Variants in SRGAP2B observed in about 807,000 individuals in gnomAD.
SRGAP2B encodes the protein SLIT-ROBO Rho GTPase activating protein 2B.
Under a neutral mutation model 22.2 loss-of-function variants are expected in SRGAP2B, and 9 were observed. The observed-to-expected ratio is 0.41, with a 90% CI of 0.24 to 0.71. The LOEUF is 0.71. Among genes scored for constraint, SRGAP2B ranks in the 30% least tolerant of loss-of-function variants. The probability of loss-of-function intolerance (pLI) is 0.35; values close to 1 mark genes in which losing one functional copy is unlikely to be tolerated. For synonymous variants in SRGAP2B, 36 were observed against 87.4 expected, an observed-to-expected ratio of 0.41 and a Z score of 3.28; for missense variants, 114 against 235.8, an observed-to-expected ratio of 0.48 and a Z score of 3.38.
At chr1:145,006,161 A>C (rs1286697000) in intron 2 of SRGAP2B, among the ~76,000 whole-genome samples, 10 of 150,918 alleles carry the variant, frequency 6.6e-5, no homozygotes, top group Non-Finnish European at 1.2e-4. Flanking sequence ...ACTTGGAGTG[A>C]CCTATTCAAT....
chr1:144,976,098 T>G (rs587663020), intron 3 of SRGAP2B, among the ~76,000 whole-genome samples: 11 of 148,180 alleles, frequency 7.4e-5, no homozygotes, highest in African/African-American at 2.6e-4. Context: ...GCCAGGATGG[T>G]CTTGATCTCC....
In SRGAP2B at chr1:145,093,928, G is replaced by C. The variant is rs1229394393; in HGVS notation, c.-542-485C>G. Among the ~76,000 whole-genome samples, 15 of 148,962 alleles carry C rather than the reference G, an allele frequency of 1.0e-4. 1 individual carries two copies. Among genetic ancestry groups the C allele is most frequent in the Non-Finnish European group, 2.2e-4 (15 of 67,630 alleles). On this transcript the variant is annotated intron_variant, in intron 1 of 9. Transcript: ENST00000612199. ...CCAGTTGTTTTGTTTTTGGTTACTA[G>C]CTTCTCTTGGCAGCAAAATGTTGAT...
At chr1:145,000,742 TG>T (rs1671084729) in intron 2 of SRGAP2B, among the ~76,000 whole-genome samples, 1 of 129,676 alleles carries the variant, frequency 7.7e-6, no homozygotes. Context: ...AAGGAGAAAA[TG>T]GGGGAGGAAG....
intron 2 of SRGAP2B, among the ~76,000 whole-genome samples, chr1:145,015,613 A>C (rs1553622976): frequency 1.3e-5 from 2 of 150,368 alleles, no homozygotes; most frequent in Non-Finnish European, 2.9e-5. Context: ...AGAGGCTCGC[A>C]GAGGAGCTAG....
At chr1:144,999,784 G>A (rs1266070352) in intron 2 of SRGAP2B, among the ~76,000 whole-genome samples, 1 of 140,426 alleles carries the variant, frequency 7.1e-6, no homozygotes, top group East Asian at 2.1e-4. Context: ...AAAGGTTCCT[G>A]AGAATCAGAG....
intron 4 of SRGAP2B, among the ~76,000 whole-genome samples, chr1:144,929,686 T>G (rs587631367): frequency 6.6e-6 from 1 of 151,260 alleles, no homozygotes; most frequent in Non-Finnish European, 1.5e-5. Context: ...TGATGAGAGA[T>G]ATATTAGGTC....
chr1:144,954,015 T>C (rs1381567990), intron 4 of SRGAP2B, among the ~76,000 whole-genome samples: 19 of 135,322 alleles, frequency 1.4e-4, no homozygotes, highest in African/African-American at 5.5e-4. Flanking sequence ...TAATTCAAAT[T>C]AATGACAACC....
At chr1:145,058,201 A>G (rs1207270232) in intron 2 of SRGAP2B, among the ~76,000 whole-genome samples, 1 of 149,164 alleles carries the variant, frequency 6.7e-6, no homozygotes, top group Non-Finnish European at 1.5e-5. Flanking sequence ...TTCTGAAAAG[A>G]GGACAATAAT....
At chr1:144,953,023 AG>A (rs1424482023) in intron 4 of SRGAP2B, among the ~76,000 whole-genome samples, 1 of 145,696 alleles carries the variant, frequency 6.9e-6, no homozygotes. Context: ...GGGAGAAAAG[AG>A]ATTATTCACC....
At chr1:144,940,515 C>T (rs1389027282) in intron 4 of SRGAP2B, among the ~76,000 whole-genome samples, 5 of 147,916 alleles carry the variant, frequency 3.4e-5, no homozygotes, top group Non-Finnish European at 7.4e-5. Context: ...AAGACAACAG[C>T]CAGCTGGTCG....
At chr1:144,913,093 A>T (rs1401667444) in intron 5 of SRGAP2B, among the ~76,000 whole-genome samples, 35 of 145,230 alleles carry the variant, frequency 2.4e-4, no homozygotes, top group Admixed American at 2.2e-3. Flanking sequence ...CCTTTCACTT[A>T]TTTTTTTTTT....
intron 2 of SRGAP2B, among the ~76,000 whole-genome samples, chr1:144,999,265 C>T (rs1553619171): frequency 6.7e-6 from 1 of 149,312 alleles, no homozygotes; most frequent in Non-Finnish European, 1.5e-5. Context: ...GTCAAGCTCT[C>T]ACTTTCTAGA....
chr1:144,963,824 C>T (rs587653508), intron 3 of SRGAP2B, among the ~76,000 whole-genome samples: 58 of 151,966 alleles, frequency 3.8e-4, no homozygotes, highest in African/African-American at 8.2e-4. Context: ...CAGGCATGAG[C>T]GGAGAAGTTT....
At chr1:144,964,498 T>C (rs1667914571) in intron 3 of SRGAP2B, among the ~76,000 whole-genome samples, 2 of 150,800 alleles carry the variant, frequency 1.3e-5, no homozygotes, top group African/African-American at 5.0e-5. Flanking sequence ...ACCATGTTGA[T>C]ACTTTACTGG....
intron 4 of SRGAP2B, among the ~76,000 whole-genome samples, chr1:144,925,746 A>G (rs1232753783): frequency 7.2e-6 from 1 of 139,166 alleles, no homozygotes. Context: ...AAAGAAAGAA[A>G]GAAAGAAAGA....
At chr1:145,039,533 C>T (rs1165490758) in intron 2 of SRGAP2B, among the ~76,000 whole-genome samples, 1 of 135,986 alleles carries the variant, frequency 7.4e-6, no homozygotes, top group African/African-American at 2.7e-5. Flanking sequence ...ATTAAAAGGC[C>T]ACAAATGTTC....
intron 4 of SRGAP2B, among the ~76,000 whole-genome samples, chr1:144,942,471 G>A (rs1553607555): frequency 6.7e-6 from 1 of 149,790 alleles, no homozygotes; most frequent in Non-Finnish European, 1.5e-5. Context: ...CCATGCTGGA[G>A]TGCAATGGCA....
rs587741371 is a variant in SRGAP2B, at chr1:144,932,416, G to C, written c.424-17662C>G. On this transcript the variant is annotated intron_variant, in intron 4 of 9. Transcript: ENST00000612199. Reference sequence around the variant, plus strand: ...GTCCTTCTAGCTTGTAGATGGGGTGGACTCGTCAGTTCCGCATTCCTCCTG... The same window carrying C: ...GTCCTTCTAGCTTGTAGATGGGGTGCACTCGTCAGTTCCGCATTCCTCCTG... Among the ~76,000 whole-genome samples the C allele has an allele frequency of 1.9e-3, 290 of 151,188 alleles. 17 individuals carry two copies. The highest frequency in any genetic ancestry group is 6.7e-3 in the African/African-American group (272 of 40,586).
intron 2 of SRGAP2B, among the ~76,000 whole-genome samples, chr1:145,030,722 ATAT>A (rs1250230387): frequency 1.3e-3 from 39 of 29,058 alleles, no homozygotes; most frequent in South Asian, 2.7e-3. Flanking sequence ...AAAAAAAAAA[ATAT>A]ATATATATAT....
Sources: gnomAD v4.1 joint callset for allele counts (sites outside exome capture counted in the v4.1 genomes callset) on GRCh38, gnomAD v4.1.1 for gene constraint, MANE v1.5 for transcripts, NCBI Gene and HGNC (gene_info 2026-07-23, HGNC 2026-07-21) for gene names.